GRID1: variants seen among roughly 807,000 people sequenced by gnomAD.
GRID1 encodes the protein glutamate receptor ionotropic, delta-1.
In GRID1, 28 loss-of-function variants were observed where a neutral mutation model predicts 98.0. The observed-to-expected ratio is 0.29, with a 90% confidence interval of 0.21 to 0.39. GRID1 has a LOEUF of 0.39. Ranked by LOEUF, GRID1 falls within the 10% of genes least tolerant of loss-of-function variation. The pLI is 1.00. For synonymous variants in GRID1, 553 were observed against 538.5 expected (o/e 1.03, Z -0.37); for missense variants, 1,111 against 1,340.5 (o/e 0.83, Z 2.67).
rs562339275 is a variant in GRID1, at chr10:85,638,865, T to A, written c.2193+8337A>T. 3.3e-5 allele frequency among the ~76,000 whole-genome samples: 5 copies of A among 152,170 alleles called. No homozygotes were observed. In the South Asian group the frequency reaches 1.0e-3, roughly 32 times the overall value. On this transcript the variant is annotated intron_variant, in intron 13 of 15. Transcript: ENST00000327946. ...TCACTAGTCCCCAAAGAGAAGCAAA[T>A]TAAAATAATAATCAGATTTCTGTTC...
chr10:85,770,202 T>C (rs1282350546), intron 8 of GRID1, among the ~76,000 whole-genome samples: 2 of 152,204 alleles, frequency 1.3e-5, no homozygotes, highest in African/African-American at 2.4e-5. Context: ...CCGCTGCTGG[T>C]ACCCAGGCAA....
chr10:85,984,110 C>G (rs751259027), intron 4 of GRID1, among the ~76,000 whole-genome samples: 5 of 152,184 alleles, frequency 3.3e-5, no homozygotes, highest in Non-Finnish European at 7.4e-5. Context: ...TCCCAGCAGC[C>G]TCCTCACCTC....
chr10:86,284,536 C>T (rs1209155881), intron 2 of GRID1, among the ~76,000 whole-genome samples: 1 of 152,242 alleles, frequency 6.6e-6, no homozygotes, highest in African/African-American at 2.4e-5. Context: ...GGCTGCCCTA[C>T]CACTGCGGAG....
At chr10:86,311,333 C>T (rs1034692906) in intron 2 of GRID1, among the ~76,000 whole-genome samples, 1 of 152,130 alleles carries the variant, frequency 6.6e-6, no homozygotes, top group Admixed American at 6.5e-5. Flanking sequence ...AGGAGGATAT[C>T]CTGGGGCAGC....
chr10:85,825,901 C>A (rs1450319084), intron 8 of GRID1, among the ~76,000 whole-genome samples: 1 of 151,208 alleles, frequency 6.6e-6, no homozygotes, highest in African/African-American at 2.4e-5. Context: ...AAAGAGAAAA[C>A]AGAATAATAT....
chr10:85,799,999 T>C (rs903960892), intron 8 of GRID1, among the ~76,000 whole-genome samples: 2 of 152,082 alleles, frequency 1.3e-5, no homozygotes, highest in Non-Finnish European at 2.9e-5. Flanking sequence ...ACAATTATTA[T>C]GTGTCAATTA....
chr10:86,359,954 T>C (rs1441867693), intron 2 of GRID1, among the ~76,000 whole-genome samples: 1 of 152,230 alleles, frequency 6.6e-6, no homozygotes, highest in Non-Finnish European at 1.5e-5. Flanking sequence ...TTGCTAACTT[T>C]CAATCCTTAT....
intron 4 of GRID1, among the ~76,000 whole-genome samples, chr10:86,004,757 C>CACACACACACACACAG (rs1220346618): frequency 2.6e-5 from 4 of 151,570 alleles, no homozygotes; most frequent in Non-Finnish European, 5.9e-5. Flanking sequence ...CACACACACA[C>CACACACACACACACAG]AGACTTGATT....
chr10:85,870,093 T>A (rs996105580), intron 5 of GRID1, among the ~76,000 whole-genome samples: 5 of 152,130 alleles, frequency 3.3e-5, no homozygotes, highest in African/African-American at 1.2e-4. Context: ...GCCAAAGGAT[T>A]TTAACATTTG....
Position 85,722,281 on chromosome 10 carries a change from G to A in GRID1, c.1997+722C>T, listed in dbSNP as rs574251426. On this transcript the variant is annotated intron_variant, in intron 12 of 15. Transcript: ENST00000327946. ...AAAACCATAATCAGCGATCAAGTTAGAGGCAATATTGAAGCCAATATTGTA... is the reference window on the plus strand; with the variant it reads ...AAAACCATAATCAGCGATCAAGTTAAAGGCAATATTGAAGCCAATATTGTA... 3.3e-5 allele frequency among the ~76,000 whole-genome samples: 5 copies of A among 152,296 alleles called. No homozygotes were observed. The East Asian group carries it at 9.7e-4, about 29-fold the overall frequency.
chr10:85,820,291 T>C (rs868746393), intron 8 of GRID1, among the ~76,000 whole-genome samples: 2 of 152,108 alleles, frequency 1.3e-5, no homozygotes, highest in Non-Finnish European at 2.9e-5. Context: ...CAATTTGTTA[T>C]AGATTGGAGG....
chr10:85,796,821 A>C (rs11201800), intron 8 of GRID1, among the ~76,000 whole-genome samples: 1 of 152,226 alleles, frequency 6.6e-6, no homozygotes, highest in Non-Finnish European at 1.5e-5. Flanking sequence ...TTTAAGTAAA[A>C]GAACATTAAA....
At chr10:85,778,195 A>C (rs1035605459) in intron 8 of GRID1, among the ~76,000 whole-genome samples, 4 of 152,188 alleles carry the variant, frequency 2.6e-5, no homozygotes, top group Non-Finnish European at 5.9e-5. Flanking sequence ...TGGAAGTGTC[A>C]GAGCAGCTGT....
chr10:85,793,155 G>A (rs573710578), intron 8 of GRID1, among the ~76,000 whole-genome samples: 1 of 152,148 alleles, frequency 6.6e-6, no homozygotes, highest in Non-Finnish European at 1.5e-5. Flanking sequence ...CTCTCCCAAA[G>A]GGTTCCATGA....
intron 12 of GRID1, among the ~76,000 whole-genome samples, chr10:85,684,967 ACT>A: frequency 6.6e-6 from 1 of 152,194 alleles, no homozygotes; most frequent in South Asian, 2.1e-4. Context: ...CTTCCTAAAG[ACT>A]CTGTCTCCAG....
chr10:86,276,947 G>GA (rs1226382325), intron 2 of GRID1, among the ~76,000 whole-genome samples: 1 of 152,010 alleles, frequency 6.6e-6, no homozygotes, highest in East Asian at 1.9e-4. Context: ...TGTGTTAAAT[G>GA]AAAAAAGCCA....
chr10:85,782,298 G>C (rs368854362), intron 8 of GRID1, among the ~76,000 whole-genome samples: 2 of 151,350 alleles, frequency 1.3e-5, no homozygotes, highest in East Asian at 3.9e-4. Flanking sequence ...CAAGGAAAAT[G>C]TTTGGAAAAT....
intron 2 of GRID1, among the ~76,000 whole-genome samples, chr10:86,346,332 C>T (rs1416258593): frequency 1.3e-5 from 2 of 152,352 alleles, no homozygotes; most frequent in East Asian, 1.9e-4. Flanking sequence ...TAATTAAGTC[C>T]AGCAAACCAT....
intron 4 of GRID1, among the ~76,000 whole-genome samples, chr10:86,032,425 G>A (rs945754109): frequency 2.0e-5 from 3 of 152,176 alleles, no homozygotes; most frequent in African/African-American, 7.2e-5. Context: ...TCAGATTGTT[G>A]CTGTATCTGT....
Sources: allele counts gnomAD v4.1 joint callset (sites outside exome capture counted in the v4.1 genomes callset), GRCh38; gene constraint gnomAD v4.1.1; transcripts MANE v1.5; gene names NCBI Gene and HGNC (gene_info 2026-07-23, HGNC 2026-07-21).